SLC25A32: variants seen among roughly 807,000 people sequenced by gnomAD.
SLC25A32 encodes the protein solute carrier family 25 member 32.
A neutral mutation model predicts 39.0 loss-of-function variants in SLC25A32; 32 were observed. That is an observed-to-expected ratio of 0.82 (90% CI 0.62 to 1.10). SLC25A32 has a LOEUF of 1.10. SLC25A32 is among the 50% of genes least tolerant of loss of function. The pLI is 0.00. For synonymous variants in SLC25A32, 166 were observed against 152.4 expected, an observed-to-expected ratio of 1.09 and a Z score of -0.66; for missense variants, 367 against 395.3, an observed-to-expected ratio of 0.93 and a Z score of 0.61.
chr8:103,401,701 A>G lies in SLC25A32; in HGVS notation c.667-40T>C, dbSNP rs369641181. 4.6e-5 allele frequency: 69 copies of G among 1,510,424 alleles called. No homozygotes were observed. In the East Asian group the frequency reaches 1.0e-3, roughly 22 times the overall value. 93.6% of individuals were successfully genotyped at this position (1,510,424 alleles called of 1,614,324 possible). A position where few individuals can be genotyped will look rare whatever the true frequency, so the allele number is the denominator to read the frequency against. ...CAAAACAGTTTTTTCTTTAGACAGG[A>G]TTTCTTTAAAAATACAGAAGTAAAA... On this transcript the variant is annotated intron_variant, in intron 5 of 6. Coordinates refer to ENST00000297578, the MANE Select transcript of SLC25A32 (RefSeq NM_030780.5).
At chr8:103,404,648 C>A in intron 3 of SLC25A32, 128 bp downstream of exon 3, 1 of 559,880 alleles carries the variant, frequency 1.8e-6, no homozygotes. Flanking sequence ...ACAGAAATTC[C>A]ATGTAACTGA....
chr8:103,407,843 T>C, intron 1 of SLC25A32, 59 bp from the exon 2 acceptor site: 3 of 1,459,892 alleles, frequency 2.1e-6, no homozygotes, highest in Non-Finnish European at 2.8e-6. Flanking sequence ...GTATCACATA[T>C]AAACACAGAC....
Position 103,404,760 on chromosome 8 carries a change from TCA to T in SLC25A32, c.391+14_391+15del, listed in dbSNP as rs1204588459. 2.5e-6 allele frequency: 4 copies of T among 1,584,638 alleles called. No homozygotes were observed. The highest frequency in any genetic ancestry group is 3.4e-6 in the Non-Finnish European group (4 of 1,160,310). ...GTTTGGAAGGTGACATTTTTATATT[TCA>T]CACATTGCCTTACCAGCTTCAGCAG... On this transcript the variant is annotated intron_variant, in intron 3 of 6. Transcript: ENST00000297578.
At chr8:103,406,228 T>C (rs1816330450) in intron 2 of SLC25A32, among the ~76,000 whole-genome samples, 1 of 152,018 alleles carries the variant, frequency 6.6e-6, no homozygotes, top group Admixed American at 6.6e-5. Flanking sequence ...ATTTAAACAA[T>C]TTTAAGGCTG....
intron 3 of SLC25A32, 78 bp downstream of exon 3, chr8:103,404,698 C>A: frequency 2.2e-6 from 2 of 906,976 alleles, no homozygotes; most frequent in South Asian, 3.0e-5. Flanking sequence ...CTCAGGTGTT[C>A]AAAGAAAAGA....
At chr8:103,410,344 C>G (rs60977629) in intron 1 of SLC25A32, among the ~76,000 whole-genome samples, 1 of 152,154 alleles carries the variant, frequency 6.6e-6, no homozygotes, top group Non-Finnish European at 1.5e-5. Flanking sequence ...GGGCGGAGTA[C>G]GAGCGAAGCT....
At chr8:103,408,751 C>T (rs1416973920) in intron 1 of SLC25A32, among the ~76,000 whole-genome samples, 2 of 152,194 alleles carry the variant, frequency 1.3e-5, no homozygotes, top group Non-Finnish European at 2.9e-5. Flanking sequence ...TCATCATCTG[C>T]ATTGATGCCC....
chr8:103,414,286 C>T (rs566014871), intron 1 of SLC25A32, among the ~76,000 whole-genome samples: 44 of 152,262 alleles, frequency 2.9e-4, no homozygotes, highest in Non-Finnish European at 1.5e-4. Context: ...TATTTTTTCA[C>T]AGAAACTTGT....
Position 103,407,615 on chromosome 8 carries a change from A to T in SLC25A32, c.305+19T>A. On this transcript the variant is annotated intron_variant, in intron 2 of 6. Coordinates refer to ENST00000297578, the MANE Select transcript of SLC25A32 (RefSeq NM_030780.5). ...TTCCTTTTTAATTTAATACTGTAAAATCTCCCAAATCTACTCACAAGAAAA... is the reference window on the plus strand; with the variant it reads ...TTCCTTTTTAATTTAATACTGTAAATTCTCCCAAATCTACTCACAAGAAAA... 1 of 1,495,526 alleles carries T rather than the reference A, an allele frequency of 6.7e-7. No homozygotes were observed. 92.6% of individuals were successfully genotyped at this position (1,495,526 alleles called of 1,614,324 possible).
At chr8:103,401,130 G>A (rs1230343963) in intron 6 of SLC25A32, among the ~76,000 whole-genome samples, 1 of 152,138 alleles carries the variant, frequency 6.6e-6, no homozygotes, top group Non-Finnish European at 1.5e-5. Flanking sequence ...TTCATATATG[G>A]AAACAAGTAT....
chr8:103,414,762 C>A (rs768604116), intron 1 of SLC25A32, 22 bp downstream of exon 1: 5 of 1,613,114 alleles, frequency 3.1e-6, no homozygotes, highest in Non-Finnish European at 3.4e-6. Context: ...GGATGCAGCC[C>A]GGTGTCTGGG....
intron 5 of SLC25A32, 103 bp from the exon 6 acceptor site, chr8:103,401,764 A>C: frequency 8.8e-7 from 1 of 1,135,118 alleles, no homozygotes; most frequent in Non-Finnish European, 1.2e-6. Context: ...TCTTTAAGGG[A>C]TTCTATTTTT....
Position 103,400,241 on chromosome 8 carries a change from A to G in SLC25A32, c.*170T>C. ...AAGTTCCATATATATGGGGAAGGCA[A>G]AAAGCAAGAAAAACATTGCAGGAGA... On this transcript the variant is annotated 3_prime_UTR_variant, in exon 7 of 7. Transcript: ENST00000297578. 2 of 593,752 alleles carry G rather than the reference A, an allele frequency of 3.4e-6. No homozygotes were observed. The allele number at this position is 593,752 out of a possible 1,614,324, so 36.8% of individuals were successfully genotyped here.
chr8:103,414,957 A>G lies in SLC25A32; in HGVS notation c.-20T>C. On this transcript the variant is annotated 5_prime_UTR_variant, in exon 1 of 7. Transcript: ENST00000297578. Reference sequence around the variant, plus strand: ...CGTCATAGGCTCGGGGCCCGTCGACACCACGGCGCCCAGGGCCGCGGAGGT... The same window carrying G: ...CGTCATAGGCTCGGGGCCCGTCGACGCCACGGCGCCCAGGGCCGCGGAGGT... The G allele has an allele frequency of 6.3e-7, 1 of 1,591,836 alleles. No homozygotes were observed. The highest frequency in any genetic ancestry group is 1.3e-5 in the African/African-American group (1 of 74,352).
chr8:103,409,849 C>T (rs534537870), intron 1 of SLC25A32, among the ~76,000 whole-genome samples: 1 of 152,350 alleles, frequency 6.6e-6, no homozygotes, highest in South Asian at 2.1e-4. Context: ...TAATTCGCTA[C>T]ATGGTCTTAC....
chr8:103,412,334 G>C (rs1816484481), intron 1 of SLC25A32, among the ~76,000 whole-genome samples: 1 of 152,144 alleles, frequency 6.6e-6, no homozygotes, highest in African/African-American at 2.4e-5. Flanking sequence ...TTGCAGATTA[G>C]GCTTTTGGGT....
intron 1 of SLC25A32, among the ~76,000 whole-genome samples, 188 bp from the exon 2 acceptor site, chr8:103,407,972 T>TATATATAAATATATATATATAA (rs1217096724): frequency 8.9e-5 from 13 of 146,590 alleles, no homozygotes; most frequent in South Asian, 6.3e-4. Context: ...TATATATATA[T>TATATATAAATATATATATATAA]AAATATGTAA....
intron 6 of SLC25A32, among the ~76,000 whole-genome samples, chr8:103,400,990 A>G (rs1402087882): frequency 6.6e-6 from 1 of 152,232 alleles, no homozygotes; most frequent in Non-Finnish European, 1.5e-5. Context: ...TGCTCATTAA[A>G]TATTTCTTGA....
intron 4 of SLC25A32, chr8:103,402,640 G>A (rs1450111398): frequency 2.6e-5 from 4 of 151,868 alleles, no homozygotes; most frequent in Non-Finnish European, 4.4e-5. Context: ...CAGAAAAGGG[G>A]AAAATAAAAA....
Sources: allele counts gnomAD v4.1 joint callset (sites outside exome capture counted in the v4.1 genomes callset), GRCh38; gene constraint gnomAD v4.1.1; transcripts MANE v1.5; gene names NCBI Gene and HGNC (gene_info 2026-07-23, HGNC 2026-07-21).